HPS4: variants seen among roughly 807,000 people sequenced by gnomAD.
HPS4 encodes the protein HPS4 biogenesis of lysosomal organelles complex 3 subunit 2.
In HPS4, 44 loss-of-function variants were observed where a neutral mutation model predicts 70.3. The observed-to-expected ratio is 0.63, with a 90% CI of 0.49 to 0.80. The LOEUF (loss-of-function observed/expected upper bound fraction) is 0.80. Among genes scored for constraint, HPS4 ranks in the 30% least tolerant of loss-of-function variants. The pLI, the probability that HPS4 is intolerant of heterozygous loss-of-function variation, is 0.00. For synonymous variants in HPS4, 377 were observed against 355.9 expected (o/e 1.06, Z -0.67); for missense variants, 873 against 884.4 (o/e 0.99, Z 0.16).
At chr22:26,445,902 G>A (rs1282921043), downstream of HPS4, among the ~76,000 whole-genome samples, 1 of 152,120 alleles carries the variant, frequency 6.6e-6, no homozygotes, top group Non-Finnish European at 1.5e-5. Flanking sequence ...TAGAAGAGAG[G>A]GAGACAGGGG....
intron 13 of HPS4, among the ~76,000 whole-genome samples, chr22:26,457,347 G>C (rs1026277287): frequency 4.0e-5 from 6 of 151,352 alleles, no homozygotes; most frequent in Non-Finnish European, 7.4e-5. Context: ...CTCCTGAGTA[G>C]CTGGGACTAC....
chr22:26,451,254 G>A lies in HPS4; in HGVS notation c.*1979C>T, dbSNP rs1568994348. ...CGCTAATTTTGAGGGGATGGGCCTG[G>A]GGCTGTGGGATTAACCGTGTCCTGA... On this transcript the variant is annotated 3_prime_UTR_variant, in exon 14 of 14. Coordinates refer to ENST00000398145, the MANE Select transcript of HPS4 (RefSeq NM_022081.6). Among the ~76,000 whole-genome samples, 1 of 152,198 alleles carries A rather than the reference G, an allele frequency of 6.6e-6. No individual in the cohort carries two copies. Among genetic ancestry groups the A allele is most frequent in the Non-Finnish European group, 1.5e-5 (1 of 68,032 alleles).
At position 26,470,745 on chromosome 22, in the gene HPS4, G is replaced by T; in HGVS notation, c.570C>A (p.Leu190=). 6.2e-7 allele frequency: 1 copy of T among 1,614,136 alleles called. No individual in the cohort carries two copies. Among genetic ancestry groups the T allele is most frequent in the Non-Finnish European group, 8.5e-7 (1 of 1,180,044 alleles). The change falls in exon 7 of 14, where the codon CTC becomes CTA. Residue 190 remains leucine, a synonymous_variant. Coordinates refer to ENST00000398145, the MANE Select transcript of HPS4 (RefSeq NM_022081.6). ...GTCCTTTATAGAGGATGCAGCCAGC[G>T]AGAATGTGAGGCGAGCGCTGGCAGG... ...LQTCQRSPHI[L]AGCILYKGLI... is the part of the protein sequence containing the mutation.
intron 5 of HPS4, 115 bp downstream of exon 5, chr22:26,472,717 C>T (rs1360663770): frequency 1.1e-6 from 1 of 886,810 alleles, no homozygotes; most frequent in Non-Finnish European, 1.9e-6. Context: ...ACCTTGTCCC[C>T]AGACACAATG....
At chr22:26,458,032 A>G (rs1224725202) in intron 12 of HPS4, 65 bp from the exon 13 acceptor site, 1 of 1,285,632 alleles carries the variant, frequency 7.8e-7, no homozygotes, top group Non-Finnish European at 1.1e-6. Flanking sequence ...CACCCCATGA[A>G]GCCCAGTACT....
chr22:26,453,498 C>A, intron 13 of HPS4, 94 bp from the exon 14 acceptor site: 1 of 1,321,772 alleles, frequency 7.6e-7, no homozygotes, highest in Non-Finnish European at 1.1e-6. Context: ...CACAGAGGAC[C>A]CAGGACACCC....
intron 11 of HPS4, among the ~76,000 whole-genome samples, chr22:26,458,838 A>G (rs1389188576): frequency 1.3e-5 from 2 of 151,818 alleles, no homozygotes; most frequent in African/African-American, 2.4e-5. Context: ...AAAAAAAAAA[A>G]TCATTCATGG....
In HPS4 at chr22:26,481,722, C is replaced by G. The variant is rs376524160; in HGVS notation, c.41G>C (p.Trp14Ser). Residue 14 changes from tryptophan to serine, a missense_variant and splice_region_variant, in exon 2 of 14, where the codon TGG becomes TCG. Coordinates refer to ENST00000398145, the MANE Select transcript of HPS4 (RefSeq NM_022081.6). ...TGCCATGGCAGGCCTTGTTACTCAC[C>G]ACGAGGCTGACTTTGCCTCTGTGGA... ...STSTEAKSAS[W>S]WNYFFLYDGS... 6.8e-6 allele frequency: 11 copies of G among 1,613,986 alleles called. No individual in the cohort carries two copies. Among genetic ancestry groups the G allele is most frequent in the South Asian group, 2.2e-5 (2 of 91,086 alleles).
intron 3 of HPS4, among the ~76,000 whole-genome samples, chr22:26,477,628 CGCACAG>C (rs2090733251): frequency 6.6e-6 from 1 of 152,154 alleles, no homozygotes; most frequent in Non-Finnish European, 1.5e-5. Flanking sequence ...CCTTAACTAA[CGCACAG>C]GACAGCCAGA....
chr22:26,476,908 A>C, intron 4 of HPS4, 85 bp downstream of exon 4: 1 of 1,464,968 alleles, frequency 6.8e-7, no homozygotes, highest in Non-Finnish European at 9.5e-7. Context: ...GGGGCAGATA[A>C]TTCTAAATTC....
intron 7 of HPS4, 22 bp downstream of exon 7, chr22:26,470,693 GAAGA>G: frequency 6.2e-7 from 1 of 1,607,968 alleles, no homozygotes; most frequent in Non-Finnish European, 8.5e-7. Context: ...AATGGGGCTG[GAAGA>G]AAGGGGTCTG....
Position 26,472,305 on chromosome 22 carries a change from A to G in HPS4, c.498T>C (p.Thr166=), listed in dbSNP as rs1182783951. 2.6e-6 allele frequency: 4 copies of G among 1,564,716 alleles called. No individual in the cohort carries two copies. The highest frequency in any genetic ancestry group is 4.5e-5 in the East Asian group (2 of 44,654). The change falls in exon 6 of 14, where the codon ACT becomes ACC. Residue 166 remains threonine (T), a synonymous_variant. Transcript: ENST00000398145. ...IFNSLWNLDQ[T]KVEPLLLLKA... Reference sequence around the variant, plus strand: ...ATAAGGAGGATGAAAATGTTACTTTAGTTTGGTCCAAGTTCCAGAGGGAAT... The same window carrying G: ...ATAAGGAGGATGAAAATGTTACTTTGGTTTGGTCCAAGTTCCAGAGGGAAT...
chr22:26,459,486 T>C (rs1175079047), intron 11 of HPS4, among the ~76,000 whole-genome samples: 10 of 152,230 alleles, frequency 6.6e-5, no homozygotes, highest in Non-Finnish European at 4.4e-5. Context: ...TATTCTATCA[T>C]ATAATTCTTT....
chr22:26,479,745 A>G (rs142368201), intron 2 of HPS4: 31 of 957,340 alleles, frequency 3.2e-5, no homozygotes, highest in Non-Finnish European at 3.7e-5. Context: ...TGCACTCCTC[A>G]TAAGTGCTGA....
intron 10 of HPS4, among the ~76,000 whole-genome samples, chr22:26,465,067 G>A (rs2088241806): frequency 6.6e-6 from 1 of 152,236 alleles, no homozygotes; most frequent in Non-Finnish European, 1.5e-5. Context: ...GAATAAGACT[G>A]ACCCACATCT....
In HPS4 at chr22:26,450,966, C is replaced by T. The variant is rs1039323474; in HGVS notation, c.*2267G>A. On this transcript the variant is annotated 3_prime_UTR_variant, in exon 14 of 14. Transcript: ENST00000398145. ...AACACACCACTATTAATCACTCATG[C>T]GACCTTTATCCTTACAGTTCACAGG... is the stretch of plus-strand genomic sequence containing the variant. Among the ~76,000 whole-genome samples the T allele has an allele frequency of 4.6e-5, 7 of 152,180 alleles. No individual in the cohort carries two copies. The highest frequency in any genetic ancestry group is 8.8e-5 in the Non-Finnish European group (6 of 68,044).
intron 8 of HPS4, 126 bp from the exon 9 acceptor site, chr22:26,466,388 C>T: frequency 1.9e-6 from 2 of 1,030,620 alleles, no homozygotes; most frequent in South Asian, 1.3e-5. Context: ...GTCCCAACCA[C>T]ATGCTAAGAG....
downstream of HPS4, chr22:26,443,432 C>A (rs1022997625): frequency 1.3e-4 from 62 of 487,168 alleles, 1 homozygote; most frequent in Non-Finnish European, 2.1e-4. Flanking sequence ...TCCTTCCAAT[C>A]ATTTGCTTCA....
intron 4 of HPS4, among the ~76,000 whole-genome samples, chr22:26,473,408 G>C (rs1205701103): frequency 6.6e-6 from 1 of 152,222 alleles, no homozygotes; most frequent in Admixed American, 6.5e-5. Context: ...TTAAGAGCAA[G>C]AACTGACCGC....
Sources: allele counts gnomAD v4.1 joint callset (sites outside exome capture counted in the v4.1 genomes callset), GRCh38; gene constraint gnomAD v4.1.1; transcripts MANE v1.5; gene names NCBI Gene and HGNC (gene_info 2026-07-23, HGNC 2026-07-21).